PACRGL: variants seen among roughly 807,000 people sequenced by gnomAD.
PACRGL encodes PACRG-like protein.
In PACRGL, 38 loss-of-function variants were observed where a neutral mutation model predicts 34.5. That is an observed-to-expected ratio of 1.10 (90% CI 0.85 to 1.44). The LOEUF (loss-of-function observed/expected upper bound fraction) is 1.44, where lower values mean the gene tolerates loss of function less well. Among genes scored for constraint, PACRGL ranks in the 40% most tolerant of loss-of-function variants. The probability of loss-of-function intolerance (pLI) is 0.00; values close to 1 mark genes in which losing one functional copy is unlikely to be tolerated. For missense variants in PACRGL, 305 were observed against 281.4 expected (o/e 1.08, Z -0.60); for synonymous variants, 128 against 100.1 (o/e 1.28, Z -1.66).
chr4:20,748,894 G>GTGTGTATA (rs1160169512), intron 8 of PACRGL, among the ~76,000 whole-genome samples: 8 of 145,260 alleles, frequency 5.5e-5, no homozygotes, highest in African/African-American at 1.3e-4. Flanking sequence ...GTGTGTGTGT[G>GTGTGTATA]TATATATATA....
chr4:20,751,259 A>T (rs1181278157), intron 8 of PACRGL, among the ~76,000 whole-genome samples: 1 of 152,228 alleles, frequency 6.6e-6, no homozygotes, highest in Non-Finnish European at 1.5e-5. Flanking sequence ...TTGGGTCTAA[A>T]TAACATGTAA....
chr4:20,725,715 G>A (rs1008111234), intron 8 of PACRGL, among the ~76,000 whole-genome samples: 18 of 151,986 alleles, frequency 1.2e-4, no homozygotes, highest in Non-Finnish European at 7.4e-5. Flanking sequence ...CAGACATAAA[G>A]CTTTAGCGAA....
intron 7 of PACRGL, chr4:20,716,008 T>C (rs1014841606): frequency 8.4e-7 from 1 of 1,184,046 alleles, no homozygotes; most frequent in Non-Finnish European, 1.2e-6. Context: ...AGTATTTTTG[T>C]TTTTCATTGC....
intron 8 of PACRGL, among the ~76,000 whole-genome samples, chr4:20,743,190 G>A (rs1751592556): frequency 6.6e-6 from 1 of 152,082 alleles, no homozygotes; most frequent in Non-Finnish European, 1.5e-5. Flanking sequence ...TGGCCATACT[G>A]CCCAAGGTGT....
intron 8 of PACRGL, among the ~76,000 whole-genome samples, chr4:20,741,839 G>A (rs1404615097): frequency 1.3e-5 from 2 of 151,988 alleles, no homozygotes; most frequent in Non-Finnish European, 2.9e-5. Context: ...TAATAAAGAA[G>A]AAAAGAGAGA....
At chr4:20,753,600 A>G (rs1560437974), downstream of PACRGL, among the ~76,000 whole-genome samples, 1 of 152,144 alleles carries the variant, frequency 6.6e-6, no homozygotes, top group Non-Finnish European at 1.5e-5. Flanking sequence ...CCCTACTCCC[A>G]TTGAATTCAA....
At chr4:20,737,454 G>C (rs1251793867), downstream of PACRGL, among the ~76,000 whole-genome samples, 2 of 152,228 alleles carry the variant, frequency 1.3e-5, no homozygotes, top group African/African-American at 4.8e-5. Context: ...GTCAGAAATG[G>C]GCTGTGCTCT....
At chr4:20,758,859 G>T in the PACRGL span, 1 of 1,613,172 alleles carries the variant, frequency 6.2e-7, no homozygotes, top group Admixed American at 1.7e-5. Context: ...CTCTTTGAAG[G>T]TTTCTTCATT....
chr4:20,732,887 T>G (rs1045223065), downstream of PACRGL: 6 of 692,576 alleles, frequency 8.7e-6, no homozygotes, highest in Non-Finnish European at 1.2e-5. Flanking sequence ...AATTTTTGAC[T>G]TTTTGTTTGT....
At chr4:20,719,659 C>A (rs1002620118) in intron 7 of PACRGL, among the ~76,000 whole-genome samples, 1 of 152,164 alleles carries the variant, frequency 6.6e-6, no homozygotes, top group Non-Finnish European at 1.5e-5. Flanking sequence ...TTTCTTAATC[C>A]TGAGTTCTAG....
intron 1 of PACRGL, 22 bp from the exon 2 acceptor site, chr4:20,704,444 C>CTTTT: frequency 1.6e-6 from 2 of 1,271,766 alleles, no homozygotes; most frequent in African/African-American, 3.0e-5. Flanking sequence ...TTGAAATCAA[C>CTTTT]TTTTTTTTTT....
upstream of PACRGL, chr4:20,696,431 T>C (rs1019758659): frequency 1.3e-5 from 2 of 152,210 alleles, no homozygotes; most frequent in African/African-American, 4.8e-5. Flanking sequence ...AAAGTACGTA[T>C]ATCCTAGCAG....
intron 8 of PACRGL, among the ~76,000 whole-genome samples, chr4:20,740,704 G>A (rs1402223484): frequency 6.6e-6 from 1 of 152,114 alleles, no homozygotes; most frequent in African/African-American, 2.4e-5. Flanking sequence ...ATAATGACAG[G>A]ATCAAATTCA....
intron 6 of PACRGL, 74 bp from the exon 7 acceptor site, chr4:20,713,358 C>T: frequency 8.6e-7 from 1 of 1,162,918 alleles, no homozygotes; most frequent in Non-Finnish European, 1.3e-6. Flanking sequence ...GCCCTTTTTT[C>T]TAACCTATCT....
At chr4:20,736,801 C>T (rs1404814400), downstream of PACRGL, among the ~76,000 whole-genome samples, 2 of 152,060 alleles carry the variant, frequency 1.3e-5, no homozygotes, top group African/African-American at 4.8e-5. Context: ...AAGACAAAAA[C>T]AGAAATAATT....
Position 20,727,689 on chromosome 4 carries a change from C to T in PACRGL, c.*348C>T, listed in dbSNP as rs1450568205. ...TTTGGCAATCAGTTTGTAGCTGTGC[C>T]CTTATTTTTATAGATAGTTTGCCAT... On this transcript the variant is annotated 3_prime_UTR_variant, in exon 9 of 9. Coordinates refer to ENST00000503585, the MANE Select transcript of PACRGL (RefSeq NM_001258345.3). 4 of 179,182 alleles carry T rather than the reference C, an allele frequency of 2.2e-5. No individual in the cohort carries two copies. Among genetic ancestry groups the T allele is most frequent in the South Asian group, 1.6e-4 (1 of 6,220 alleles). 11.1% of individuals were successfully genotyped at this position (179,182 alleles called of 1,614,324 possible).
downstream of PACRGL, among the ~76,000 whole-genome samples, chr4:20,736,360 G>T (rs947579998): frequency 5.3e-5 from 8 of 151,688 alleles, no homozygotes; most frequent in African/African-American, 1.9e-4. Context: ...TTATTTCTAG[G>T]TATTTTAATA....
At chr4:20,696,520 A>T (rs1296925272), upstream of PACRGL, 1 of 152,236 alleles carries the variant, frequency 6.6e-6, no homozygotes, top group Non-Finnish European at 1.5e-5. Context: ...AAGGGTAAAG[A>T]CATTTGTAAA....
the PACRGL span, chr4:20,758,716 C>T: frequency 3.5e-6 from 3 of 856,544 alleles, no homozygotes; most frequent in Non-Finnish European, 5.7e-6. Context: ...AATTCTTTTA[C>T]ATAACGATTA....
Sources: allele counts gnomAD v4.1 joint callset (sites outside exome capture counted in the v4.1 genomes callset), GRCh38; gene constraint gnomAD v4.1.1; transcripts MANE v1.5; gene names NCBI Gene and HGNC (gene_info 2026-07-23, HGNC 2026-07-21).